The following PLXNC1 variants were observed in gnomAD, a reference collection of about 807,000 sequenced individuals.
PLXNC1 encodes plexin C1, also known as plexin-C1.
In PLXNC1, 75 loss-of-function variants were observed where a neutral mutation model predicts 178.2. The observed-to-expected ratio is 0.42, with a 90% confidence interval of 0.35 to 0.51. The LOEUF is 0.51. Ranked by LOEUF, PLXNC1 falls within the 20% of genes least tolerant of loss-of-function variation. The pLI is 0.02. For synonymous variants in PLXNC1, 790 were observed against 779.9 expected (o/e 1.01, Z -0.22); for missense variants, 1,503 against 1,984.4 (o/e 0.76, Z 4.61).
intron 5 of PLXNC1, among the ~76,000 whole-genome samples, chr12:94,216,872 T>G (rs1173785120): frequency 6.6e-6 from 1 of 152,162 alleles, no homozygotes; most frequent in Non-Finnish European, 1.5e-5. Flanking sequence ...CTTTAAGTCT[T>G]CACTCCCTCT....
rs1193784408 is a variant in PLXNC1 at position 94,237,160 on chromosome 12, TC to T, written c.1981-499del. Among the ~76,000 whole-genome samples the T allele has an allele frequency of 3.9e-5, 6 of 152,256 alleles. No individual in the cohort carries two copies. The East Asian group carries it at 5.8e-4, about 15-fold the overall frequency. On this transcript the variant is annotated intron_variant, in intron 9 of 30. Transcript: ENST00000258526. The stretch of plus-strand genomic sequence containing the variant: ...GAACAGGTTGATTTCTTGAGGTTTT[TC>T]CCCCTGCAGTATCCTCCTGGATTCA...
At chr12:94,283,160 A>AG (rs11384417) in intron 23 of PLXNC1, among the ~76,000 whole-genome samples, 70,919 of 152,024 alleles carry the variant, frequency 0.47, 16,633 homozygotes, top group South Asian at 0.54. Flanking sequence ...AGTGCAAAAA[A>AG]GGACGGAGAG....
At chr12:94,202,927 G>A (rs890239723) in intron 4 of PLXNC1, among the ~76,000 whole-genome samples, 1 of 152,170 alleles carries the variant, frequency 6.6e-6, no homozygotes, top group Non-Finnish European at 1.5e-5. Context: ...GTCTGGTATG[G>A]GAGAAAGGGT....
intron 21 of PLXNC1, among the ~76,000 whole-genome samples, chr12:94,267,127 G>A (rs1368829424): frequency 6.6e-6 from 1 of 152,108 alleles, no homozygotes; most frequent in Non-Finnish European, 1.5e-5. Flanking sequence ...ACTTTAAGAC[G>A]TTTTAGAAGC....
chr12:94,181,820 T>C (rs1962317877), intron 3 of PLXNC1, among the ~76,000 whole-genome samples: 1 of 152,130 alleles, frequency 6.6e-6, no homozygotes, highest in Admixed American at 6.5e-5. Flanking sequence ...CAGTGCCAAG[T>C]TTTTCAGAGG....
chr12:94,243,964 G>A lies in PLXNC1; in HGVS notation c.2327G>A (p.Gly776Asp). The change falls in exon 12 of 31, where the codon GGC becomes GAC. Residue 776 changes from glycine to aspartate, a missense_variant. This residue lies in a region of PLXNC1 where 639 missense variants were observed against 979.7 expected (regional missense o/e 0.65). Transcript: ENST00000258526. ...GGTGGTCAAAATATAACCATGATGG[G>A]CAGAAATTTTGATGTAATTGACAAC... Reference protein sequence around the residue: ...ISGGQNITMMGRNFDVIDNLI... With the variant: ...ISGGQNITMMDRNFDVIDNLI... 1 of 1,598,326 alleles carries A rather than the reference G, an allele frequency of 6.3e-7. No individual in the cohort carries two copies. Among genetic ancestry groups the A allele is most frequent in the South Asian group, 1.1e-5 (1 of 90,184 alleles).
chr12:94,224,321 A>AT lies in PLXNC1; in HGVS notation c.1790+10dup. On this transcript the variant is annotated splice_region_variant and intron_variant, in intron 7 of 30. Coordinates refer to ENST00000258526, the MANE Select transcript of PLXNC1 (RefSeq NM_005761.3). ...AACTGCTCATCATTAAAAGAGTAAG[A>AT]TTTTATTTGAAATTTGAATATTCTC... is the stretch of plus-strand genomic sequence containing the variant. The AT allele has an allele frequency of 7.2e-7, 1 of 1,384,682 alleles. No homozygotes were observed. The allele number at this position is 1,384,682 out of a possible 1,614,324, so 85.8% of individuals were successfully genotyped here. A position where few individuals can be genotyped will look rare whatever the true frequency, so the allele number is the denominator to read the frequency against.
intron 18 of PLXNC1, 44 bp downstream of exon 18, chr12:94,259,419 G>A (rs771796667): frequency 1.4e-6 from 2 of 1,435,352 alleles, no homozygotes; most frequent in Non-Finnish European, 1.9e-6. Flanking sequence ...ACTGCCTGAT[G>A]TTCATAGTGT....
At chr12:94,234,907 T>G (rs1295599838) in intron 9 of PLXNC1, among the ~76,000 whole-genome samples, 1 of 152,256 alleles carries the variant, frequency 6.6e-6, no homozygotes, top group African/African-American at 2.4e-5. Context: ...TTTCAAAATC[T>G]TTATTGGTAA....
chr12:94,192,923 TAG>T (rs758267857), intron 4 of PLXNC1, among the ~76,000 whole-genome samples: 5 of 152,106 alleles, frequency 3.3e-5, no homozygotes, highest in Admixed American at 6.5e-5. Flanking sequence ...GATAAATGAA[TAG>T]AGTGTCATAA....
intron 15 of PLXNC1, among the ~76,000 whole-genome samples, chr12:94,252,994 C>T (rs180762734): frequency 1.7e-3 from 251 of 152,114 alleles, no homozygotes; most frequent in African/African-American, 5.8e-3. Context: ...GGGTGGATCA[C>T]GAGGTCAGCA....
chr12:94,192,951 A>G (rs1304423638), intron 4 of PLXNC1, among the ~76,000 whole-genome samples: 2 of 152,094 alleles, frequency 1.3e-5, no homozygotes, highest in Non-Finnish European at 2.9e-5. Flanking sequence ...AGCATGGGGG[A>G]AGTTTAGGGT....
intron 9 of PLXNC1, among the ~76,000 whole-genome samples, chr12:94,233,992 C>G (rs532902384): frequency 1.3e-5 from 2 of 152,042 alleles, no homozygotes; most frequent in Non-Finnish European, 2.9e-5. Context: ...TATCTAATGT[C>G]CTTCGGTTTC....
intron 21 of PLXNC1, among the ~76,000 whole-genome samples, chr12:94,272,889 G>A (rs1042782847): frequency 2.0e-5 from 3 of 152,194 alleles, no homozygotes; most frequent in African/African-American, 7.2e-5. Context: ...CTACCAGATC[G>A]CCTATGTCCA....
Position 94,189,404 on chromosome 12 carries a change from C to T in PLXNC1, c.1439+2931C>T, listed in dbSNP as rs145865149. ...GAGTTTAAAGATTGTTAGGGGCAGGCGCGGTGACTCACACCTATATTCCCA... is the reference window on the plus strand; with the variant it reads ...GAGTTTAAAGATTGTTAGGGGCAGGTGCGGTGACTCACACCTATATTCCCA... On this transcript the variant is annotated intron_variant, in intron 4 of 30. Coordinates refer to ENST00000258526, the MANE Select transcript of PLXNC1 (RefSeq NM_005761.3). Among the ~76,000 whole-genome samples the T allele has an allele frequency of 3.5e-3, 526 of 152,194 alleles. 3 individuals carry two copies. Among genetic ancestry groups the T allele is most frequent in the African/African-American group, 0.012 (498 of 41,514 alleles).
chr12:94,206,837 A>G (rs1963315878), intron 4 of PLXNC1, among the ~76,000 whole-genome samples: 1 of 152,240 alleles, frequency 6.6e-6, no homozygotes, highest in African/African-American at 2.4e-5. Context: ...AGAGTGCATC[A>G]CTGAAGAATC....
At chr12:94,265,275 G>T in intron 21 of PLXNC1, 50 bp downstream of exon 21, 1 of 1,530,652 alleles carries the variant, frequency 6.5e-7, no homozygotes, top group Non-Finnish European at 9.0e-7. Context: ...AATCTGGCGG[G>T]GAATTAGAGG....
intron 4 of PLXNC1, among the ~76,000 whole-genome samples, chr12:94,193,913 G>A (rs1962818108): frequency 6.6e-6 from 1 of 152,132 alleles, no homozygotes; most frequent in African/African-American, 2.4e-5. Flanking sequence ...TGAGGACAGA[G>A]GAAAGGTCCT....
At chr12:94,203,266 C>T (rs1963197007) in intron 4 of PLXNC1, among the ~76,000 whole-genome samples, 1 of 152,154 alleles carries the variant, frequency 6.6e-6, no homozygotes, top group African/African-American at 2.4e-5. Context: ...CTCAGAACAT[C>T]CTTCAACAAA....
Sources: allele counts gnomAD v4.1 joint callset (sites outside exome capture counted in the v4.1 genomes callset), GRCh38; gene constraint gnomAD v4.1.1; regional missense constraint gnomAD v4.1.1; transcripts MANE v1.5; gene names NCBI Gene and HGNC (gene_info 2026-07-23, HGNC 2026-07-21).